DCHS2: variants seen among roughly 807,000 people sequenced by gnomAD.
DCHS2 encodes protocadherin-23.
In DCHS2, 142 loss-of-function variants were observed where a neutral mutation model predicts 182.4. The ratio of observed to expected loss-of-function variants is 0.78; its 90% CI spans 0.68 to 0.89. The LOEUF (loss-of-function observed/expected upper bound fraction) is 0.89, where lower values mean the gene tolerates loss of function less well. Ranked by LOEUF, DCHS2 falls within the 40% of genes least tolerant of loss-of-function variation. The pLI is 0.00. For missense variants in DCHS2, 4,319 were observed against 4,198.6 expected, an observed-to-expected ratio of 1.03 and a Z score of -0.79; for synonymous variants, 1,740 against 1,663.3, an observed-to-expected ratio of 1.05 and a Z score of -1.12.
intron 1 of DCHS2, chr4:154,391,202 C>A (rs1341544165): frequency 6.2e-7 from 1 of 1,613,636 alleles, no homozygotes; most frequent in East Asian, 2.2e-5. Context: ...TCACATACAC[C>A]TCATATACAC....
At chr4:154,334,115 ATACC>A (rs1475024821) in intron 4 of DCHS2, 2 of 152,546 alleles carry the variant, frequency 1.3e-5, no homozygotes, top group Admixed American at 6.5e-5. Context: ...AATAATTCAA[ATACC>A]TTTTTTTAAA....
intron 2 of DCHS2, among the ~76,000 whole-genome samples, chr4:154,374,814 G>T (rs901741314): frequency 6.6e-6 from 1 of 152,024 alleles, no homozygotes; most frequent in Non-Finnish European, 1.5e-5. Flanking sequence ...AACAAGGAAG[G>T]TCTTCAAAAT....
intron 1 of DCHS2, among the ~76,000 whole-genome samples, chr4:154,388,323 A>AT (rs1168882460): frequency 6.6e-6 from 1 of 152,082 alleles, no homozygotes; most frequent in Non-Finnish European, 1.5e-5. Context: ...GTAAAAAAAA[A>AT]GAAAGGTAAC....
intron 1 of DCHS2, among the ~76,000 whole-genome samples, chr4:154,378,812 T>C (rs978116505): frequency 2.6e-5 from 4 of 152,154 alleles, no homozygotes; most frequent in Non-Finnish European, 5.9e-5. Flanking sequence ...GTCTGACACC[T>C]TGTCATATAA....
intron 1 of DCHS2, among the ~76,000 whole-genome samples, chr4:154,455,339 A>C (rs992201914): frequency 2.6e-5 from 4 of 152,240 alleles, no homozygotes; most frequent in Non-Finnish European, 2.9e-5. Context: ...ATCTGACTTC[A>C]TGAATTGTCA....
intron 1 of DCHS2, chr4:154,486,399 G>A (rs1432452255): frequency 3.1e-6 from 4 of 1,303,320 alleles, no homozygotes; most frequent in Non-Finnish European, 4.1e-6. Flanking sequence ...TGAAGTTAAA[G>A]GGTTTGTTTT....
intron 10 of DCHS2, among the ~76,000 whole-genome samples, chr4:154,311,146 A>G (rs1735655980): frequency 6.6e-6 from 1 of 152,218 alleles, no homozygotes; most frequent in African/African-American, 2.4e-5. Context: ...TAAAAGGGAT[A>G]AAATTTTATC....
chr4:154,447,148 C>T (rs1180082476), intron 1 of DCHS2, among the ~76,000 whole-genome samples: 2 of 151,970 alleles, frequency 1.3e-5, no homozygotes, highest in African/African-American at 2.4e-5. Context: ...AAAAACTAGC[C>T]GGACATGGTG....
rs966119612 is a variant in DCHS2, at chr4:154,356,313, T to G, written c.2476+9897A>C. Among the ~76,000 whole-genome samples, 3 of 152,302 alleles carry G rather than the reference T, an allele frequency of 2.0e-5. No homozygotes were observed. In the East Asian group the frequency reaches 5.8e-4, roughly 29 times the overall value. On this transcript the variant is annotated intron_variant, in intron 3 of 19. Transcript: ENST00000357232. The stretch of plus-strand genomic sequence containing the variant: ...GTACAACTATACAATGTGTTTGTCT[T>G]TCAAGCTAAGTGTTACTACAAAAAG...
At chr4:154,357,602 C>A (rs1375106664) in intron 3 of DCHS2, among the ~76,000 whole-genome samples, 1 of 152,166 alleles carries the variant, frequency 6.6e-6, no homozygotes, top group African/African-American at 2.4e-5. Flanking sequence ...CAGTCAGCTC[C>A]TTTCTTGCTG....
chr4:154,357,116 G>T, intron 3 of DCHS2: 2 of 701,264 alleles, frequency 2.9e-6, no homozygotes, highest in Admixed American at 2.2e-5. Context: ...CGAACCTTTG[G>T]CCTGCGAAGT....
At position 154,320,432 on chromosome 4, in the gene DCHS2, T is replaced by TA; in HGVS notation, c.4966dup (p.Tyr1656LeufsTer8). 6.2e-7 allele frequency: 1 copy of TA among 1,614,138 alleles called. No individual in the cohort carries two copies. The highest frequency in any genetic ancestry group is 8.5e-7 in the Non-Finnish European group (1 of 1,179,996). ...GTTTTCATTTCCTGAGAGGATGCTG[T>TA]ATGTTACTTTTCCATTCCTTCCTTC... On this transcript the variant is annotated frameshift_variant, in exon 9 of 20. Transcript: ENST00000357232. LOFTEE classifies it high-confidence loss of function.
At chr4:154,465,417 C>G (rs1400021162) in intron 1 of DCHS2, among the ~76,000 whole-genome samples, 1 of 152,146 alleles carries the variant, frequency 6.6e-6, no homozygotes, top group African/African-American at 2.4e-5. Flanking sequence ...GTCTGTAATC[C>G]TAGCAGTTTG....
At chr4:154,419,655 A>G (rs1423454076) in intron 1 of DCHS2, among the ~76,000 whole-genome samples, 1 of 149,820 alleles carries the variant, frequency 6.7e-6, no homozygotes, top group African/African-American at 2.4e-5. Flanking sequence ...CATCTCAAAA[A>G]AAAAAAAAAA....
intron 3 of DCHS2, among the ~76,000 whole-genome samples, chr4:154,351,469 T>C (rs1184152020): frequency 1.3e-5 from 2 of 152,198 alleles, no homozygotes; most frequent in Non-Finnish European, 2.9e-5. Context: ...ATAGATGATA[T>C]AGGTTTAGCA....
In DCHS2 at chr4:154,417,663, C is replaced by T. The variant is rs34862366; in HGVS notation, c.2053-40219G>A. On this transcript the variant is annotated intron_variant, in intron 1 of 19. Transcript: ENST00000357232. Reference sequence around the variant, plus strand: ...CTGAAATTCAGATTTCACTGAGCACCCTTTTTCTTTGCTAAACTGAACAAT... The same window carrying T: ...CTGAAATTCAGATTTCACTGAGCACTCTTTTTCTTTGCTAAACTGAACAAT... Among the ~76,000 whole-genome samples the T allele has an allele frequency of 1.8e-4, 28 of 152,108 alleles. No homozygotes were observed. The East Asian group carries it at 5.4e-3, about 29-fold the overall frequency.
intron 1 of DCHS2, among the ~76,000 whole-genome samples, chr4:154,449,441 G>C (rs1734443037): frequency 6.6e-6 from 1 of 151,740 alleles, no homozygotes; most frequent in Non-Finnish European, 1.5e-5. Context: ...CACAATCATG[G>C]CTCACTGCAA....
At chr4:154,267,709 C>A (rs1414477929) in intron 14 of DCHS2, among the ~76,000 whole-genome samples, 2 of 35,368 alleles carry the variant, frequency 5.7e-5, no homozygotes, top group East Asian at 7.2e-3. Flanking sequence ...ATCTTCTTCC[C>A]GAAGCCTAGC....
At chr4:154,282,773 A>C (rs1021024007) in intron 13 of DCHS2, among the ~76,000 whole-genome samples, 3 of 152,178 alleles carry the variant, frequency 2.0e-5, no homozygotes, top group Non-Finnish European at 2.9e-5. Flanking sequence ...AGGTAAAAGC[A>C]ACCTAAATGT....
Sources: gnomAD v4.1 joint callset for allele counts (sites outside exome capture counted in the v4.1 genomes callset) on GRCh38, gnomAD v4.1.1 for gene constraint, MANE v1.5 for transcripts, NCBI Gene and HGNC (gene_info 2026-07-23, HGNC 2026-07-21) for gene names.